Variants in YWHAQ observed in about 807,000 individuals in gnomAD.
The protein encoded by YWHAQ is 14-3-3 protein theta.
A neutral mutation model predicts 28.3 loss-of-function variants in YWHAQ; 6 were observed. The ratio of observed to expected loss-of-function variants is 0.21; its 90% CI spans 0.12 to 0.42. YWHAQ has a LOEUF of 0.42. Ranked by LOEUF, YWHAQ falls within the 10% of genes least tolerant of loss-of-function variation. The probability of loss-of-function intolerance (pLI) is 1.00; values close to 1 mark genes in which losing one functional copy is unlikely to be tolerated. For missense variants in YWHAQ, 201 were observed against 305.6 expected (o/e 0.66, Z 2.55); for synonymous variants, 143 against 119.1 (o/e 1.20, Z -1.31).
chr2:9,620,536 T>C (rs1667122282), intron 2 of YWHAQ: 1 of 152,248 alleles, frequency 6.6e-6, no homozygotes, highest in Non-Finnish European at 1.5e-5. Flanking sequence ...TTTTCATGGA[T>C]GTCAACTCTG....
intron 2 of YWHAQ, among the ~76,000 whole-genome samples, chr2:9,606,446 C>T (rs1333332698): frequency 1.3e-5 from 2 of 152,114 alleles, no homozygotes; most frequent in South Asian, 4.1e-4. Context: ...AAACCTTTTC[C>T]AATCTAATGG....
chr2:9,619,969 G>A (rs1012602625), intron 2 of YWHAQ, among the ~76,000 whole-genome samples: 4 of 152,170 alleles, frequency 2.6e-5, no homozygotes, highest in African/African-American at 9.7e-5. Flanking sequence ...GAGGGAAAAT[G>A]GAGTACTAAT....
chr2:9,591,624 G>A, intron 2 of YWHAQ, 109 bp from the exon 3 acceptor site: 1 of 1,373,716 alleles, frequency 7.3e-7, no homozygotes, highest in Admixed American at 2.0e-5. Context: ...TACTACTACA[G>A]TAATACTATA....
chr2:9,604,280 G>A (rs1247598305), intron 2 of YWHAQ, among the ~76,000 whole-genome samples: 1 of 152,132 alleles, frequency 6.6e-6, no homozygotes, highest in Non-Finnish European at 1.5e-5. Flanking sequence ...GGCGAAGACT[G>A]GCATTTGAAA....
At chr2:9,614,651 A>G (rs1667010672) in intron 2 of YWHAQ, among the ~76,000 whole-genome samples, 1 of 152,194 alleles carries the variant, frequency 6.6e-6, no homozygotes, top group African/African-American at 2.4e-5. Context: ...GAAGACTACT[A>G]AAGATAGAAA....
chr2:9,593,236 CTTT>C (rs34085406), intron 2 of YWHAQ, among the ~76,000 whole-genome samples: 152 of 114,922 alleles, frequency 1.3e-3, no homozygotes, highest in Admixed American at 3.9e-3. Context: ...GCATCCATGT[CTTT>C]TTTTTTTTTT....
chr2:9,591,809 T>C (rs528331793), intron 2 of YWHAQ, among the ~76,000 whole-genome samples: 1 of 152,348 alleles, frequency 6.6e-6, no homozygotes, highest in East Asian at 1.9e-4. Context: ...ATCCATTCAT[T>C]CAACATTTAC....
chr2:9,605,116 GAT>G (rs1428747037), intron 2 of YWHAQ, among the ~76,000 whole-genome samples: 2 of 149,262 alleles, frequency 1.3e-5, no homozygotes, highest in East Asian at 3.9e-4. Context: ...AAGAAAAAAT[GAT>G]AGTTTCCCCA....
intron 2 of YWHAQ, among the ~76,000 whole-genome samples, chr2:9,622,490 T>C (rs1303057475): frequency 6.6e-6 from 1 of 152,212 alleles, no homozygotes; most frequent in Non-Finnish European, 1.5e-5. Flanking sequence ...TATTTCTAGT[T>C]TTCTGCTCTT....
In YWHAQ at chr2:9,585,261, A is replaced by C; in HGVS notation, c.*25T>G. On this transcript the variant is annotated 3_prime_UTR_variant, in exon 6 of 6. Transcript: ENST00000238081. ...ATGTGTAAAAAGGTTTCTTGAAGGAAAGAAGGATGACACCCTGTATGGATT... is the reference window on the plus strand; with the variant it reads ...ATGTGTAAAAAGGTTTCTTGAAGGACAGAAGGATGACACCCTGTATGGATT... 1 of 1,613,756 alleles carries C rather than the reference A, an allele frequency of 6.2e-7. No individual in the cohort carries two copies. Among genetic ancestry groups the C allele is most frequent in the East Asian group, 2.2e-5 (1 of 44,856 alleles).
chr2:9,589,635 T>A (rs1246445989), intron 3 of YWHAQ, among the ~76,000 whole-genome samples: 1 of 152,206 alleles, frequency 6.6e-6, no homozygotes, highest in African/African-American at 2.4e-5. Flanking sequence ...CCCTAAATAA[T>A]GTAAACTTTA....
At chr2:9,620,257 G>C (rs1667117995) in intron 2 of YWHAQ, among the ~76,000 whole-genome samples, 1 of 152,184 alleles carries the variant, frequency 6.6e-6, no homozygotes, top group Non-Finnish European at 1.5e-5. Flanking sequence ...CAAATGAAGA[G>C]TATCGTACAG....
chr2:9,588,984 T>C (rs1310119977), intron 3 of YWHAQ, among the ~76,000 whole-genome samples: 1 of 151,974 alleles, frequency 6.6e-6, no homozygotes, highest in African/African-American at 2.4e-5. Context: ...TAGCTAGGCA[T>C]GGTAGTGCGT....
Position 9,585,054 on chromosome 2 carries a change from A to G in YWHAQ, c.*232T>C. On this transcript the variant is annotated 3_prime_UTR_variant, in exon 6 of 6. Coordinates refer to ENST00000238081, the MANE Select transcript of YWHAQ (RefSeq NM_006826.4). ...GTGTTTGGGAGTTACTTATGTTTATATGAAATGAAGCTATTAATACTTTTC... is the reference window on the plus strand; with the variant it reads ...GTGTTTGGGAGTTACTTATGTTTATGTGAAATGAAGCTATTAATACTTTTC... 2 of 521,120 alleles carry G rather than the reference A, an allele frequency of 3.8e-6. No individual in the cohort carries two copies. The highest frequency in any genetic ancestry group is 6.9e-6 in the Non-Finnish European group (2 of 287,940). 32.3% of individuals were successfully genotyped at this position (521,120 alleles called of 1,614,324 possible).
chr2:9,600,812 C>A (rs1025056087), intron 2 of YWHAQ, among the ~76,000 whole-genome samples: 8 of 152,158 alleles, frequency 5.3e-5, no homozygotes, highest in African/African-American at 1.9e-4. Flanking sequence ...ACGGCCACCC[C>A]CAACCAGTCA....
Position 9,630,061 on chromosome 2 carries a change from C to CGG in YWHAQ, c.294+96_294+97dup, listed in dbSNP as rs1027235223. On this transcript the variant is annotated intron_variant, in intron 2 of 5. Coordinates refer to ENST00000238081, the MANE Select transcript of YWHAQ (RefSeq NM_006826.4). The surrounding 1 kb of genome is among the most constrained non-coding windows in gnomAD (Gnocchi z 5.6). The stretch of plus-strand genomic sequence containing the variant: ...AAACCCTCCACCCCAGCAGACAGTC[C>CGG]GGCAAGCCCCGGCTCACGTTTGTTT... 37 of 1,496,774 alleles carry CGG rather than the reference C, an allele frequency of 2.5e-5. 1 individual carries two copies. In the South Asian group the frequency reaches 4.4e-4, roughly 18 times the overall value. 92.7% of individuals were successfully genotyped at this position (1,496,774 alleles called of 1,614,324 possible).
In YWHAQ at chr2:9,630,773, C is replaced by T. The variant is rs1271770672; in HGVS notation, c.-83+168G>A. On this transcript the variant is annotated intron_variant, in intron 1 of 5. Coordinates refer to ENST00000238081, the MANE Select transcript of YWHAQ (RefSeq NM_006826.4). This position sits in a 1 kb window ranked among gnomAD's most constrained non-coding sequence, Gnocchi z 5.6. Reference sequence around the variant, plus strand: ...GCCGCGGCCGCTCCCGCCACCCCCGCCCGGCCGGCCCAAGATGGAAGCGAC... The same window carrying T: ...GCCGCGGCCGCTCCCGCCACCCCCGTCCGGCCGGCCCAAGATGGAAGCGAC... 1 of 151,326 alleles carries T rather than the reference C, an allele frequency of 6.6e-6. No individual in the cohort carries two copies. The highest frequency in any genetic ancestry group is 1.5e-5 in the Non-Finnish European group (1 of 68,034). 9.4% of individuals were successfully genotyped at this position (151,326 alleles called of 1,614,324 possible).
At chr2:9,609,368 T>C (rs1031085944) in intron 2 of YWHAQ, among the ~76,000 whole-genome samples, 1 of 152,036 alleles carries the variant, frequency 6.6e-6, no homozygotes, top group Non-Finnish European at 1.5e-5. Context: ...CATATTTGAA[T>C]AAATTACTCA....
chr2:9,627,412 G>A (rs932414839), intron 2 of YWHAQ, among the ~76,000 whole-genome samples: 7 of 152,114 alleles, frequency 4.6e-5, no homozygotes, highest in African/African-American at 1.4e-4. Context: ...AAAACTTTAG[G>A]TGTTACTCTA....
Sources: allele counts gnomAD v4.1 joint callset (sites outside exome capture counted in the v4.1 genomes callset), GRCh38; gene constraint gnomAD v4.1.1; non-coding constraint Gnocchi (gnomAD v3.1); transcripts MANE v1.5; gene names NCBI Gene and HGNC (gene_info 2026-07-23, HGNC 2026-07-21).